The following ZNF469 variants were observed in gnomAD, a reference collection of about 807,000 sequenced individuals.
ZNF469 encodes the protein zinc finger protein 469.
In ZNF469, 1 loss-of-function variant was observed where a neutral mutation model predicts 1.0. That is an observed-to-expected ratio of 1.00 (90% CI 0.35 to 4.73). The LOEUF is 4.73. Among genes scored for constraint, ZNF469 ranks in the 30% most tolerant of loss-of-function variants. ZNF469 has a pLI of 0.16. For synonymous variants in ZNF469, 2,703 were observed against 2,363.4 expected (o/e 1.14, Z -4.17); for missense variants, 6,100 against 5,356.3 (o/e 1.14, Z -4.33).
chr16:88,162,725 C>T, the ZNF469 span, among the ~76,000 whole-genome samples: 2 of 151,820 alleles, frequency 1.3e-5, no homozygotes, highest in Admixed American at 6.6e-5. Context: ...CCCTTGCCAC[C>T]CTGGCAGTGT....
chr16:88,382,645 CCTGGGGAG>C (rs1215858159), upstream of ZNF469, among the ~76,000 whole-genome samples: 1 of 152,210 alleles, frequency 6.6e-6, no homozygotes, highest in African/African-American at 2.4e-5. Flanking sequence ...TGTGTGGGCA[CCTGGGGAG>C]CTGGAGCGCA....
the ZNF469 span, among the ~76,000 whole-genome samples, chr16:88,316,198 G>C: frequency 6.6e-6 from 1 of 152,232 alleles, no homozygotes; most frequent in Admixed American, 6.5e-5. Context: ...CATACGTTTT[G>C]AACAGTCCTA....
chr16:88,196,659 CACTG>C, the ZNF469 span, among the ~76,000 whole-genome samples: 1 of 152,198 alleles, frequency 6.6e-6, no homozygotes, highest in Non-Finnish European at 1.5e-5. Context: ...GTGGGCCACT[CACTG>C]ACAGGCCCCT....
the ZNF469 span, among the ~76,000 whole-genome samples, chr16:88,327,432 C>T: frequency 1.6e-4 from 24 of 152,232 alleles, no homozygotes; most frequent in African/African-American, 1.4e-4. Context: ...TCCTGTGAAG[C>T]GGGTAGGCAG....
the ZNF469 span, among the ~76,000 whole-genome samples, chr16:88,164,986 C>A: frequency 1.3e-5 from 2 of 152,116 alleles, no homozygotes; most frequent in Admixed American, 6.5e-5. Flanking sequence ...GCAGGGCCAT[C>A]GTGGGCTCGT....
the ZNF469 span, among the ~76,000 whole-genome samples, chr16:88,157,596 G>C: frequency 6.6e-6 from 1 of 152,012 alleles, no homozygotes; most frequent in African/African-American, 2.4e-5. Flanking sequence ...CTTATCCACA[G>C]CACCATGACA....
At chr16:88,336,978 G>A in the ZNF469 span, among the ~76,000 whole-genome samples, 94 of 152,094 alleles carry the variant, frequency 6.2e-4, no homozygotes, top group African/African-American at 2.2e-3. Flanking sequence ...TCTTCCACTC[G>A]GCCCCGTGTT....
rs1322998747 is a variant in ZNF469 at position 88,434,083 on chromosome 16, G to A, written c.6613G>A (p.Asp2205Asn). The A allele has an allele frequency of 9.0e-6, 14 of 1,550,282 alleles. No homozygotes were observed. In the East Asian group the frequency reaches 9.8e-5, roughly 11 times the overall value. ...CCCGTCTTTGACAACAAGCCCCTGC[G>A]ATCCCAAGGAAGCCCTGGCTGGTTG... Reference protein sequence around the residue: ...APPSLTTSPCDPKEALAGCLL... With the variant: ...APPSLTTSPCNPKEALAGCLL... The change falls in exon 3 of 3, where the codon GAT becomes AAT. Residue 2205 changes from aspartate (D) to asparagine (N), a missense_variant. By Grantham distance (23) the Asp-to-Asn change is conservative. Transcript: ENST00000565624.
the ZNF469 span, among the ~76,000 whole-genome samples, chr16:88,347,403 G>A: frequency 6.6e-6 from 1 of 152,104 alleles, no homozygotes; most frequent in South Asian, 2.1e-4. Flanking sequence ...GATTTCCACT[G>A]AGCCGCGGGC....
the ZNF469 span, among the ~76,000 whole-genome samples, chr16:88,237,770 CTCACCCTCCCT>C: frequency 3.3e-5 from 4 of 121,098 alleles, no homozygotes; most frequent in Non-Finnish European, 7.8e-5. Context: ...GCTCCTGCCA[CTCACCCTCCCT>C]GCCCTCCTTG....
At chr16:88,331,566 TCACCAC>T in the ZNF469 span, among the ~76,000 whole-genome samples, 28 of 146,052 alleles carry the variant, frequency 1.9e-4, no homozygotes, top group Non-Finnish European at 3.6e-4. Context: ...GTCATCACCA[TCACCAC>T]CACCACCACC....
rs1567516825 is a variant in ZNF469 at position 88,437,793 on chromosome 16, CAG to C, written c.10324_10325del (p.Arg3442GlyfsTer60). The part of the protein sequence containing the change: ...QFDRHMNKHL[R>X]GGRQPFAFRG... ...TCGACCGCCACATGAACAAGCACCT[CAG>C]GGGGGGGCGGCAGCCCTTCGCGTTC... On this transcript the variant is annotated frameshift_variant, in exon 3 of 3. Coordinates refer to ENST00000565624, the MANE Select transcript of ZNF469 (RefSeq NM_001367624.2). LOFTEE classifies it low-confidence loss of function (END_TRUNC). 7 of 1,546,416 alleles carry C rather than the reference CAG, an allele frequency of 4.5e-6. No individual in the cohort carries two copies. The highest frequency in any genetic ancestry group is 1.4e-5 in the African/African-American group (1 of 72,966).
chr16:88,407,948 G>A (rs1414948549), intron 1 of ZNF469, among the ~76,000 whole-genome samples: 1 of 152,250 alleles, frequency 6.6e-6, no homozygotes, highest in African/African-American at 2.4e-5. Context: ...TCACGTGAGT[G>A]CATGCATCTG....
the ZNF469 span, among the ~76,000 whole-genome samples, chr16:88,141,997 G>A: frequency 3.3e-5 from 5 of 152,352 alleles, no homozygotes; most frequent in South Asian, 2.1e-4. Context: ...GACTGCAGCC[G>A]CAGGAGGCTA....
chr16:88,349,790 CACCAGGCACAT>C, the ZNF469 span, among the ~76,000 whole-genome samples: 1 of 101,942 alleles, frequency 9.8e-6, no homozygotes, highest in Non-Finnish European at 2.2e-5. Flanking sequence ...AGTGCACACA[CACCAGGCACAT>C]TACACACATC....
the ZNF469 span, among the ~76,000 whole-genome samples, chr16:88,116,612 C>T: frequency 3.7e-3 from 557 of 152,308 alleles, 2 homozygotes; most frequent in Non-Finnish European, 6.3e-3. Flanking sequence ...AGTGGACACA[C>T]GAATGGCCAC....
At chr16:88,215,355 G>T in the ZNF469 span, among the ~76,000 whole-genome samples, 3 of 135,562 alleles carry the variant, frequency 2.2e-5, no homozygotes, top group South Asian at 2.4e-4. Context: ...CTCTTTTATA[G>T]CTTCCTTCTT....
At chr16:88,420,254 G>A (rs978974851) in intron 1 of ZNF469, among the ~76,000 whole-genome samples, 5 of 152,240 alleles carry the variant, frequency 3.3e-5, no homozygotes, top group Non-Finnish European at 7.3e-5. Context: ...GAAGGCACGG[G>A]CCAGCCCTGA....
At chr16:88,227,063 G>A in the ZNF469 span, among the ~76,000 whole-genome samples, 1 of 146,962 alleles carries the variant, frequency 6.8e-6, no homozygotes, top group Non-Finnish European at 1.5e-5. Context: ...CGGGGCCTGC[G>A]CGTTTCCACC....
Sources: gnomAD v4.1 joint callset for allele counts (sites outside exome capture counted in the v4.1 genomes callset) on GRCh38, gnomAD v4.1.1 for gene constraint, MANE v1.5 for transcripts, NCBI Gene and HGNC (gene_info 2026-07-23, HGNC 2026-07-21) for gene names.